Variants in RGS9 observed in about 807,000 individuals in gnomAD.
RGS9 encodes regulator of G protein signaling 9.
A neutral mutation model predicts 102.0 loss-of-function variants in RGS9; 78 were observed. The ratio of observed to expected loss-of-function variants is 0.76; its 90% CI spans 0.64 to 0.92. The LOEUF (loss-of-function observed/expected upper bound fraction) is 0.92, where lower values mean the gene tolerates loss of function less well. Ranked by LOEUF, RGS9 falls within the 40% of genes least tolerant of loss-of-function variation. The pLI, the probability that RGS9 is intolerant of heterozygous loss-of-function variation, is 0.00. For missense variants in RGS9, 833 were observed against 866.1 expected (o/e 0.96, Z 0.48); for synonymous variants, 353 against 318.6 (o/e 1.11, Z -1.15).
rs1909943288 is a variant in RGS9, at chr17:65,137,372, T to C, written c.-169T>C. ...GCGCGGATTCCAGCTGCTTTCCAAG[T>C]CAGCGGCGCCTAGTGAGAGTCAGGG... is the stretch of plus-strand genomic sequence containing the variant. On this transcript the variant is annotated 5_prime_UTR_variant, in exon 1 of 19. Coordinates refer to ENST00000262406, the MANE Select transcript of RGS9 (RefSeq NM_003835.4). 2 of 656,352 alleles carry C rather than the reference T, an allele frequency of 3.0e-6. No individual in the cohort carries two copies. Among genetic ancestry groups the C allele is most frequent in the Non-Finnish European group, 5.4e-6 (2 of 368,982 alleles). The allele number at this position is 656,352 out of a possible 1,614,324, so 40.7% of individuals were successfully genotyped here.
chr17:65,192,628 A>AT (rs1912414096), intron 11 of RGS9, among the ~76,000 whole-genome samples: 1 of 143,994 alleles, frequency 6.9e-6, no homozygotes, highest in South Asian at 2.2e-4. Context: ...AAAAAAAAAA[A>AT]GTTACGAAAT....
At chr17:65,151,293 C>T (rs1910568238) in intron 1 of RGS9, among the ~76,000 whole-genome samples, 1 of 150,070 alleles carries the variant, frequency 6.7e-6, no homozygotes, top group Admixed American at 6.7e-5. Context: ...TGCAGTGAGC[C>T]AAGATCGTGC....
intron 1 of RGS9, among the ~76,000 whole-genome samples, chr17:65,148,683 C>T (rs1352427939): frequency 6.6e-6 from 1 of 152,134 alleles, no homozygotes; most frequent in Non-Finnish European, 1.5e-5. Context: ...TTGGGATCAT[C>T]TCAGCCAGTC....
intron 13 of RGS9, among the ~76,000 whole-genome samples, chr17:65,201,273 C>G (rs1912830237): frequency 1.3e-5 from 2 of 152,328 alleles, no homozygotes; most frequent in Non-Finnish European, 2.9e-5. Context: ...TTGGGGGAAC[C>G]TGGCTTTTCC....
intron 3 of RGS9, 56 bp downstream of exon 3, chr17:65,158,401 G>T: frequency 6.8e-7 from 1 of 1,471,378 alleles, no homozygotes; most frequent in Non-Finnish European, 9.5e-7. Context: ...CAGCACCATG[G>T]GAGAAACTAA....
intron 17 of RGS9, among the ~76,000 whole-genome samples, chr17:65,221,516 C>A (rs1405426034): frequency 6.6e-6 from 1 of 152,176 alleles, no homozygotes; most frequent in Non-Finnish European, 1.5e-5. Flanking sequence ...GTCACACAGA[C>A]CTGGCCTCAG....
intron 9 of RGS9, among the ~76,000 whole-genome samples, chr17:65,186,646 G>A (rs1400595841): frequency 6.6e-6 from 1 of 152,174 alleles, no homozygotes; most frequent in East Asian, 1.9e-4. Context: ...CTCAACAATC[G>A]CTCTTCAGCT....
chr17:65,157,870 G>C (rs1450041520), intron 2 of RGS9, among the ~76,000 whole-genome samples: 1 of 151,970 alleles, frequency 6.6e-6, no homozygotes, highest in African/African-American at 2.4e-5. Flanking sequence ...TCCCAGCTTG[G>C]TCCAGAGCCC....
intron 17 of RGS9, among the ~76,000 whole-genome samples, chr17:65,217,453 C>T (rs1344914410): frequency 1.3e-5 from 2 of 152,158 alleles, no homozygotes; most frequent in African/African-American, 4.8e-5. Context: ...CTGGCAGAGG[C>T]CACTGGATTT....
intron 17 of RGS9, among the ~76,000 whole-genome samples, chr17:65,216,796 C>T (rs1266093255): frequency 2.6e-5 from 4 of 152,068 alleles, no homozygotes; most frequent in South Asian, 2.1e-4. Context: ...CTTATTTCAT[C>T]GAGTTTGCAT....
At chr17:65,214,499 G>C (rs1033965950) in intron 17 of RGS9, among the ~76,000 whole-genome samples, 1 of 152,194 alleles carries the variant, frequency 6.6e-6, no homozygotes, top group African/African-American at 2.4e-5. Flanking sequence ...TTGGCTGGGG[G>C]ATCATGATAA....
At chr17:65,146,679 G>C (rs567974018) in intron 1 of RGS9, among the ~76,000 whole-genome samples, 11 of 151,988 alleles carry the variant, frequency 7.2e-5, no homozygotes, top group Non-Finnish European at 1.6e-4. Context: ...CAGATCACTT[G>C]AGGTCAGGAG....
At chr17:65,202,444 T>TGTGAGAGAGA (rs3838367) in intron 14 of RGS9, among the ~76,000 whole-genome samples, 14 of 131,786 alleles carry the variant, frequency 1.1e-4, no homozygotes, top group African/African-American at 2.5e-4. Context: ...TGTGTGTGTG[T>TGTGAGAGAGA]GAGAGAGAGA....
chr17:65,191,876 C>G (rs1912381244), intron 11 of RGS9, among the ~76,000 whole-genome samples: 1 of 152,204 alleles, frequency 6.6e-6, no homozygotes, highest in South Asian at 2.1e-4. Flanking sequence ...TGGTTTATCT[C>G]TAAGGCATGG....
At chr17:65,213,768 C>A (rs900661228) in intron 17 of RGS9, among the ~76,000 whole-genome samples, 3 of 152,086 alleles carry the variant, frequency 2.0e-5, no homozygotes, top group East Asian at 1.9e-4. Flanking sequence ...TTGATGGAAG[C>A]CTGCTCAAGT....
chr17:65,139,118 C>G (rs112216507), intron 1 of RGS9, among the ~76,000 whole-genome samples: 6 of 8,590 alleles, frequency 7.0e-4, no homozygotes, highest in Non-Finnish European at 5.9e-3. Context: ...CTCCACCCCA[C>G]CTTTCCCTCC....
At chr17:65,147,003 C>G (rs1910391140) in intron 1 of RGS9, among the ~76,000 whole-genome samples, 1 of 152,172 alleles carries the variant, frequency 6.6e-6, no homozygotes, top group Non-Finnish European at 1.5e-5. Flanking sequence ...GTTGCCTCCT[C>G]AGTTCCCTGG....
At chr17:65,224,665 G>C (rs929695607) in intron 17 of RGS9, among the ~76,000 whole-genome samples, 1 of 152,158 alleles carries the variant, frequency 6.6e-6, no homozygotes, top group Admixed American at 6.5e-5. Flanking sequence ...CTCATTTGGG[G>C]ACTGGAGTTG....
intron 17 of RGS9, among the ~76,000 whole-genome samples, chr17:65,221,576 C>T (rs1443690460): frequency 6.6e-6 from 1 of 152,166 alleles, no homozygotes; most frequent in Non-Finnish European, 1.5e-5. Context: ...TAACAATGAC[C>T]ACAAGCACCA....
Sources: gnomAD v4.1 joint callset for allele counts (sites outside exome capture counted in the v4.1 genomes callset) on GRCh38, gnomAD v4.1.1 for gene constraint, MANE v1.5 for transcripts, NCBI Gene and HGNC (gene_info 2026-07-23, HGNC 2026-07-21) for gene names.